Variants in NRP1 observed in about 807,000 individuals in gnomAD.
The protein encoded by NRP1 is neuropilin 1.
Under a neutral mutation model 106.7 loss-of-function variants are expected in NRP1, and 35 were observed. That is an observed-to-expected ratio of 0.33 (90% CI 0.25 to 0.43). The LOEUF (loss-of-function observed/expected upper bound fraction) is 0.43, where lower values mean the gene tolerates loss of function less well. Among genes scored for constraint, NRP1 ranks in the 20% least tolerant of loss-of-function variants. NRP1 has a pLI of 1.00. For missense variants in NRP1, 1,024 were observed against 1,170.4 expected, an observed-to-expected ratio of 0.87 and a Z score of 1.83; for synonymous variants, 437 against 417.9, an observed-to-expected ratio of 1.05 and a Z score of -0.56.
intron 13 of NRP1, among the ~76,000 whole-genome samples, chr10:33,189,842 G>C (rs1031338726): frequency 2.0e-5 from 3 of 152,222 alleles, no homozygotes; most frequent in Non-Finnish European, 4.4e-5. Flanking sequence ...ATGCGCGGGA[G>C]CTTCGTGAAG....
intron 2 of NRP1, among the ~76,000 whole-genome samples, chr10:33,287,307 A>G (rs1317510197): frequency 6.6e-6 from 1 of 152,246 alleles, no homozygotes; most frequent in Non-Finnish European, 1.5e-5. Context: ...AAATATTTGA[A>G]CAGTAATAAT....
At chr10:33,240,752 T>C (rs1840946973) in intron 6 of NRP1, among the ~76,000 whole-genome samples, 6 of 152,162 alleles carry the variant, frequency 3.9e-5, no homozygotes, top group Admixed American at 3.3e-4. Flanking sequence ...ATGGGATTAC[T>C]GAGATTAAAG....
At chr10:33,305,303 C>A (rs1051368804) in intron 2 of NRP1, among the ~76,000 whole-genome samples, 3 of 152,152 alleles carry the variant, frequency 2.0e-5, no homozygotes, top group Non-Finnish European at 2.9e-5. Flanking sequence ...ATAATTGATG[C>A]ATGTTGGAAA....
intron 3 of NRP1, among the ~76,000 whole-genome samples, chr10:33,268,372 T>C (rs1487681472): frequency 6.6e-6 from 1 of 152,080 alleles, no homozygotes; most frequent in African/African-American, 2.4e-5. Flanking sequence ...GGCAGTGACA[T>C]GGAAAAGAAG....
chr10:33,315,586 A>G (rs1051611394), intron 2 of NRP1, among the ~76,000 whole-genome samples: 2 of 152,246 alleles, frequency 1.3e-5, no homozygotes, highest in Non-Finnish European at 2.9e-5. Flanking sequence ...GAAAAACAAT[A>G]CTAGTCTCTG....
chr10:33,285,027 T>C (rs114028492), intron 2 of NRP1, among the ~76,000 whole-genome samples: 2,391 of 152,338 alleles, frequency 0.016, 65 homozygotes, highest in African/African-American at 0.055. Flanking sequence ...TCTAGTTCTT[T>C]CTCCTATTCT....
intron 2 of NRP1, among the ~76,000 whole-genome samples, chr10:33,277,111 T>TAAA (rs547384604): frequency 8.0e-6 from 1 of 125,282 alleles, no homozygotes; most frequent in Admixed American, 8.0e-5. Context: ...TCTCTAAAAT[T>TAAA]AAAAAAAAAA....
chr10:33,224,553 T>A (rs1017136030), intron 7 of NRP1, among the ~76,000 whole-genome samples: 20 of 151,844 alleles, frequency 1.3e-4, no homozygotes, highest in Non-Finnish European at 4.4e-5. Context: ...TTGTTCTTTT[T>A]TTTTTTTTTC....
chr10:33,186,812 G>A (rs1031399179), intron 13 of NRP1, among the ~76,000 whole-genome samples: 12 of 151,544 alleles, frequency 7.9e-5, no homozygotes, highest in Non-Finnish European at 7.4e-5. Context: ...TGAAAGCAAA[G>A]TCTGTGCATA....
intron 9 of NRP1, among the ~76,000 whole-genome samples, chr10:33,210,526 C>A (rs1432012928): frequency 6.6e-6 from 1 of 152,048 alleles, no homozygotes; most frequent in Admixed American, 6.6e-5. Flanking sequence ...CAATGAAAAC[C>A]CATATGGAAC....
intron 2 of NRP1, among the ~76,000 whole-genome samples, chr10:33,315,382 A>C (rs1477420506): frequency 6.6e-6 from 1 of 152,210 alleles, no homozygotes; most frequent in Non-Finnish European, 1.5e-5. Flanking sequence ...TTGTCCAGAG[A>C]GCTGACTTGG....
intron 9 of NRP1, chr10:33,213,042 C>A (rs1011378777): frequency 5.2e-6 from 3 of 581,006 alleles, no homozygotes; most frequent in Admixed American, 3.2e-5. Context: ...GAGGGCAGAC[C>A]CAAACGACTG....
At chr10:33,253,813 G>A (rs1336280731) in intron 6 of NRP1, among the ~76,000 whole-genome samples, 2 of 152,202 alleles carry the variant, frequency 1.3e-5, no homozygotes, top group East Asian at 3.8e-4. Context: ...TCTTGGGCCT[G>A]CTTTTCTCTG....
intron 2 of NRP1, among the ~76,000 whole-genome samples, chr10:33,320,594 C>T (rs776930789): frequency 6.6e-6 from 1 of 152,198 alleles, no homozygotes; most frequent in African/African-American, 2.4e-5. Context: ...CCCTTTCACT[C>T]TCTCTTTGCT....
intron 8 of NRP1, among the ~76,000 whole-genome samples, chr10:33,218,226 T>C (rs1838934346): frequency 1.3e-5 from 2 of 152,342 alleles, no homozygotes; most frequent in South Asian, 4.1e-4. Flanking sequence ...ATAATGAAAA[T>C]GCCCTTCATC....
intron 1 of NRP1, among the ~76,000 whole-genome samples, chr10:33,331,783 G>GTCACATTTTATGATGGATT (rs1182564770): frequency 2.3e-4 from 35 of 152,270 alleles, no homozygotes; most frequent in Admixed American, 1.8e-3. Flanking sequence ...GATTCTCATT[G>GTCACATTTTATGATGGATT]TCACATTTTA....
chr10:33,273,093 AGTGGGGG>A (rs375360777), intron 2 of NRP1, among the ~76,000 whole-genome samples: 7 of 68,304 alleles, frequency 1.0e-4, no homozygotes, highest in Admixed American at 9.9e-4. Context: ...TGGGGTGGTG[AGTGGGGG>A]GTGGGGGGTG....
chr10:33,314,318 A>G (rs1846855877), intron 2 of NRP1, among the ~76,000 whole-genome samples: 2 of 152,324 alleles, frequency 1.3e-5, no homozygotes, highest in African/African-American at 4.8e-5. Context: ...GCCTCACGCC[A>G]TCCTCCCATC....
intron 2 of NRP1, among the ~76,000 whole-genome samples, chr10:33,287,898 G>C (rs1170971058): frequency 6.6e-6 from 1 of 152,170 alleles, no homozygotes; most frequent in Non-Finnish European, 1.5e-5. Flanking sequence ...ATAGCAGCTT[G>C]TCTGCCATGG....
Sources: allele counts gnomAD v4.1 joint callset (sites outside exome capture counted in the v4.1 genomes callset), GRCh38; gene constraint gnomAD v4.1.1; transcripts MANE v1.5; gene names NCBI Gene and HGNC (gene_info 2026-07-23, HGNC 2026-07-21).